Variants in GRM8 observed in about 807,000 individuals in gnomAD.
GRM8 encodes the protein glutamate metabotropic receptor 8, also known as metabotropic glutamate receptor 8.
GRM8 carries 47 observed loss-of-function variants against 87.2 expected under a neutral mutation model. The observed-to-expected ratio is 0.54, with a 90% CI of 0.43 to 0.69. GRM8 has a LOEUF of 0.69. Among genes scored for constraint, GRM8 ranks in the 30% least tolerant of loss-of-function variants. The pLI, the probability that GRM8 is intolerant of heterozygous loss-of-function variation, is 0.00. For missense variants in GRM8, 1,019 were observed against 1,139.2 expected (o/e 0.89, Z 1.52); for synonymous variants, 396 against 404.5 (o/e 0.98, Z 0.25).
chr7:126,884,981 G>A (rs2131026032), intron 6 of GRM8, among the ~76,000 whole-genome samples: 2 of 152,300 alleles, frequency 1.3e-5, no homozygotes, highest in South Asian at 4.1e-4. Context: ...GCTGAAGGAA[G>A]TATTTGTAAG....
At chr7:127,178,915 TA>T (rs1301920824) in intron 2 of GRM8, among the ~76,000 whole-genome samples, 1 of 151,872 alleles carries the variant, frequency 6.6e-6, no homozygotes, top group Non-Finnish European at 1.5e-5. Context: ...ACAGGACCTA[TA>T]AAACAAAAAT....
chr7:127,157,214 G>C (rs1449399661), intron 2 of GRM8, among the ~76,000 whole-genome samples: 3 of 149,284 alleles, frequency 2.0e-5, no homozygotes, highest in Non-Finnish European at 4.4e-5. Flanking sequence ...ATAAGAAAGA[G>C]GAGAAAGAAA....
Position 126,836,378 on chromosome 7 carries a change from AC to A in GRM8, c.1156+66163del, listed in dbSNP as rs375258833. On this transcript the variant is annotated intron_variant, in intron 6 of 10. Transcript: ENST00000339582. ...GATGTATGTTGGTGATAGCCACTGA[AC>A]TTGCAGCTGAATACCTGGTTCAAGG... Among the ~76,000 whole-genome samples, 604 of 152,338 alleles carry A rather than the reference AC, an allele frequency of 4.0e-3. 3 individuals are homozygous for A. Among genetic ancestry groups the A allele is most frequent in the African/African-American group, 0.014 (564 of 41,574 alleles).
In GRM8 at chr7:126,685,176, C is replaced by A. The variant is rs185230031; in HGVS notation, c.1358-75678G>T. Among the ~76,000 whole-genome samples, 2 of 152,204 alleles carry A rather than the reference C, an allele frequency of 1.3e-5. No individual in the cohort carries two copies. The highest frequency in any genetic ancestry group is 4.8e-5 in the African/African-American group (2 of 41,460). On this transcript the variant is annotated intron_variant, in intron 7 of 10. Coordinates refer to ENST00000339582, the MANE Select transcript of GRM8 (RefSeq NM_000845.3). This position sits in a 1 kb window ranked among gnomAD's most constrained non-coding sequence, Gnocchi z 4.2. ...CTATGGGGAGTTCATGGGGAAGAGGCGAATAGTCCCTAGAGACTTCCCCTG... is the reference window on the plus strand; with the variant it reads ...CTATGGGGAGTTCATGGGGAAGAGGAGAATAGTCCCTAGAGACTTCCCCTG...
intron 3 of GRM8, among the ~76,000 whole-genome samples, chr7:126,964,904 C>G (rs1809685854): frequency 6.6e-6 from 1 of 152,110 alleles, no homozygotes; most frequent in Non-Finnish European, 1.5e-5. Context: ...GACTTGGAAC[C>G]AACCCAAATG....
At chr7:127,054,423 T>A (rs940803351) in intron 3 of GRM8, among the ~76,000 whole-genome samples, 2 of 152,214 alleles carry the variant, frequency 1.3e-5, no homozygotes, top group Admixed American at 1.3e-4. Context: ...GCTTAATATA[T>A]CATATTATGT....
At chr7:126,868,997 A>T (rs1798849746) in intron 6 of GRM8, 1 of 152,210 alleles carries the variant, frequency 6.6e-6, no homozygotes, top group African/African-American at 2.4e-5. Context: ...ACTTTTCAAA[A>T]TTGGAATTCA....
intron 7 of GRM8, among the ~76,000 whole-genome samples, chr7:126,663,309 G>A (rs936266406): frequency 1.1e-4 from 16 of 152,018 alleles, no homozygotes; most frequent in African/African-American, 2.2e-4. Flanking sequence ...AGCATAACCC[G>A]GATACCAAAA....
rs551208117 is a variant in GRM8, at chr7:126,933,700, C to T, written c.728-29017G>A. ...TAGTTGTAAATAAATGTATTTCATA[C>T]CTCATAATGTTATTGTAAAGATTAA... is the stretch of plus-strand genomic sequence containing the variant. On this transcript the variant is annotated intron_variant, in intron 3 of 10. Coordinates refer to ENST00000339582, the MANE Select transcript of GRM8 (RefSeq NM_000845.3). Among the ~76,000 whole-genome samples, 4 of 152,274 alleles carry T rather than the reference C, an allele frequency of 2.6e-5. No individual in the cohort carries two copies. The South Asian group carries it at 6.2e-4, about 24-fold the overall frequency.
At position 126,533,133 on chromosome 7, in the gene GRM8, A is replaced by T; in HGVS notation, c.2249T>A (p.Ile750Asn). The change falls in exon 9 of 11, where the codon ATT becomes AAT. Residue 750 changes from isoleucine to asparagine, a missense_variant. Coordinates refer to ENST00000339582, the MANE Select transcript of GRM8 (RefSeq NM_000845.3). ...GAGGATACTGTATCCAAGTGAACAA[A>T]TGAGTGAGAGATCAGAAATGTCACA... ...LKCDISDLSLICSLGYSILLM... is the reference protein window; with the variant it reads ...LKCDISDLSLNCSLGYSILLM... 6.2e-7 allele frequency: 1 copy of T among 1,613,316 alleles called. No homozygotes were observed. Among genetic ancestry groups the T allele is most frequent in the Non-Finnish European group, 8.5e-7 (1 of 1,179,848 alleles).
intron 2 of GRM8, among the ~76,000 whole-genome samples, chr7:127,238,065 A>G (rs556552032): frequency 6.6e-6 from 1 of 152,212 alleles, no homozygotes; most frequent in Non-Finnish European, 1.5e-5. Context: ...AAAACTACAC[A>G]ATCTCTTATG....
At chr7:127,071,095 T>C (rs1821638005) in intron 3 of GRM8, among the ~76,000 whole-genome samples, 1 of 152,134 alleles carries the variant, frequency 6.6e-6, no homozygotes, top group Admixed American at 6.6e-5. Flanking sequence ...ATCCTTACTA[T>C]TTCACAGAAA....
intron 2 of GRM8, among the ~76,000 whole-genome samples, chr7:127,173,237 A>G (rs1793918618): frequency 6.6e-6 from 1 of 152,238 alleles, no homozygotes; most frequent in African/African-American, 2.4e-5. Flanking sequence ...TGAATTCAGC[A>G]TGATAAACGA....
intron 7 of GRM8, among the ~76,000 whole-genome samples, chr7:126,624,349 C>T (rs1007869202): frequency 1.3e-5 from 2 of 152,124 alleles, no homozygotes; most frequent in African/African-American, 4.8e-5. Context: ...TTTCTGTTTT[C>T]TCTTCCCAGT....
At chr7:126,649,977 G>A (rs1218080355) in intron 7 of GRM8, among the ~76,000 whole-genome samples, 4 of 152,172 alleles carry the variant, frequency 2.6e-5, no homozygotes, top group Non-Finnish European at 4.4e-5. Context: ...CTAGGATTTT[G>A]GAACAAGGCT....
At chr7:126,626,101 A>AGT (rs71312854) in intron 7 of GRM8, among the ~76,000 whole-genome samples, 9,762 of 148,786 alleles carry the variant, frequency 0.066, 467 homozygotes, top group East Asian at 0.26. Flanking sequence ...ATATGAGAGA[A>AGT]GTGTGTGTGT....
chr7:127,202,967 C>A (rs1020766549), intron 2 of GRM8, among the ~76,000 whole-genome samples: 3 of 152,188 alleles, frequency 2.0e-5, no homozygotes, highest in Admixed American at 2.0e-4. Flanking sequence ...TGGGGCCTAA[C>A]TACGTAGACA....
chr7:127,210,865 G>GTACTATAGGTACCACATAGGTACCAAGT (rs1208182218), intron 2 of GRM8, among the ~76,000 whole-genome samples: 8 of 152,220 alleles, frequency 5.3e-5, no homozygotes, highest in African/African-American at 7.2e-5. Context: ...AGGTACCAAG[G>GTACTATAGGTACCACATAGGTACCAAGT]TACTATAGGT....
chr7:126,936,822 G>A (rs369386183), intron 3 of GRM8, among the ~76,000 whole-genome samples: 2 of 152,148 alleles, frequency 1.3e-5, no homozygotes, highest in East Asian at 1.9e-4. Flanking sequence ...CAGAGAAGAA[G>A]TACCCACCCA....
Sources: allele counts gnomAD v4.1 joint callset (sites outside exome capture counted in the v4.1 genomes callset), GRCh38; gene constraint gnomAD v4.1.1; non-coding constraint Gnocchi (gnomAD v3.1); transcripts MANE v1.5; gene names NCBI Gene and HGNC (gene_info 2026-07-23, HGNC 2026-07-21).